Variants in ZNF804B observed in about 807,000 individuals in gnomAD.
ZNF804B encodes zinc finger 804B.
In ZNF804B, 80 loss-of-function variants were observed where a neutral mutation model predicts 101.4. That is an observed-to-expected ratio of 0.79 (90% CI 0.66 to 0.95). The LOEUF is 0.95. ZNF804B is among the 40% of genes least tolerant of loss of function. The pLI is 0.00. For missense variants in ZNF804B, 1,673 were observed against 1,561.9 expected (o/e 1.07, Z -1.20); for synonymous variants, 622 against 558.8 (o/e 1.11, Z -1.59).
intron 1 of ZNF804B, among the ~76,000 whole-genome samples, chr7:89,142,723 A>G (rs1790734698): frequency 1.3e-5 from 2 of 151,962 alleles, no homozygotes; most frequent in African/African-American, 4.8e-5. Context: ...AATTGGGTTG[A>G]GATGTTTATG....
Position 89,336,332 on chromosome 7 carries a change from A to G in ZNF804B, c.3350A>G (p.Tyr1117Cys), listed in dbSNP as rs1261177716. ...INHVEGNINSYYDRTMQKPDK... is the reference protein window; with the variant it reads ...INHVEGNINSCYDRTMQKPDK... ...CATGTAGAGGGAAATATAAACTCTT[A>G]CTATGACAGAACTATGCAGAAACCT... Residue 1117 changes from tyrosine to cysteine, a missense_variant, in exon 4 of 4, where the codon TAC (tyrosine) becomes TGC (cysteine). Tyr to Cys is a radical substitution (Grantham distance 194, BLOSUM62 -2). Coordinates refer to ENST00000333190, the MANE Select transcript of ZNF804B (RefSeq NM_181646.5). 1.2e-5 allele frequency: 20 copies of G among 1,613,954 alleles called. No homozygotes were observed. The highest frequency in any genetic ancestry group is 1.7e-5 in the Non-Finnish European group (20 of 1,179,976).
chr7:88,766,883 A>G (rs2115620317), intron 1 of ZNF804B, among the ~76,000 whole-genome samples: 1 of 152,074 alleles, frequency 6.6e-6, no homozygotes, highest in Non-Finnish European at 1.5e-5. Context: ...TAGCAAGTAT[A>G]ATTAGGACTG....
chr7:89,333,223 G>C, intron 3 of ZNF804B, 140 bp from the exon 4 acceptor site: 1 of 828,308 alleles, frequency 1.2e-6, no homozygotes, highest in South Asian at 2.3e-5. Context: ...GCTATATAAG[G>C]ACAACAAAAG....
At chr7:88,965,114 T>C (rs181101808) in intron 1 of ZNF804B, among the ~76,000 whole-genome samples, 355 of 151,578 alleles carry the variant, frequency 2.3e-3, no homozygotes, top group African/African-American at 8.2e-3. Flanking sequence ...ACAATAAAAC[T>C]AATAAAGATA....
chr7:88,917,061 T>C (rs527871909), intron 1 of ZNF804B, among the ~76,000 whole-genome samples: 23 of 152,204 alleles, frequency 1.5e-4, no homozygotes, highest in African/African-American at 5.3e-4. Context: ...AGTCAGGAGT[T>C]TGAGACCAGC....
intron 2 of ZNF804B, among the ~76,000 whole-genome samples, chr7:89,280,789 G>A (rs12704453): frequency 0.024 from 3,680 of 152,246 alleles, 52 homozygotes; most frequent in Non-Finnish European, 0.031. Flanking sequence ...AAAGAGTCCA[G>A]GACCAGATGG....
intron 1 of ZNF804B, among the ~76,000 whole-genome samples, chr7:89,100,547 TATTTGCAAACTATCTCTCTGACA>T (rs1790039289): frequency 6.6e-6 from 1 of 152,050 alleles, no homozygotes; most frequent in Non-Finnish European, 1.5e-5. Context: ...TGGGAGAAAA[TATTTGCAAACTATCTCTCTGACA>T]AAAGATTGAT....
intron 1 of ZNF804B, among the ~76,000 whole-genome samples, chr7:88,919,473 A>T (rs1405993211): frequency 1.3e-5 from 2 of 152,144 alleles, no homozygotes; most frequent in Non-Finnish European, 2.9e-5. Flanking sequence ...AAAGCAAGAC[A>T]CTTTAACATC....
intron 1 of ZNF804B, among the ~76,000 whole-genome samples, chr7:89,076,319 G>A (rs139584093): frequency 1.3e-3 from 191 of 152,218 alleles, no homozygotes; most frequent in African/African-American, 4.4e-3. Flanking sequence ...TTCCTGTGCT[G>A]TTCTCGTGAG....
At chr7:88,960,272 C>A (rs562317502) in intron 1 of ZNF804B, among the ~76,000 whole-genome samples, 3 of 151,398 alleles carry the variant, frequency 2.0e-5, no homozygotes, top group South Asian at 4.1e-4. Context: ...CCACCCCTAC[C>A]GTCAAAATGC....
chr7:89,141,034 T>C (rs1360103562), intron 1 of ZNF804B, among the ~76,000 whole-genome samples: 1 of 152,010 alleles, frequency 6.6e-6, no homozygotes, highest in African/African-American at 2.4e-5. Context: ...ATTTCAATAT[T>C]GTTATATCCC....
chr7:88,945,654 G>A (rs746173347), intron 1 of ZNF804B, among the ~76,000 whole-genome samples: 19 of 152,040 alleles, frequency 1.2e-4, no homozygotes, highest in Non-Finnish European at 1.9e-4. Flanking sequence ...GATGGGGTTA[G>A]CATTAAATCT....
At position 89,334,119 on chromosome 7, in the gene ZNF804B, G is replaced by C. The variant is rs1251631148; in HGVS notation, c.1137G>C (p.Arg379Ser). Residue 379 changes from arginine (R) to serine (S), a missense_variant, in exon 4 of 4, where the codon AGG (arginine) becomes AGC (serine). Arg to Ser is a moderately radical substitution (Grantham distance 110). Transcript: ENST00000333190. ...ACATTTACAACCATAGTGATGCCAG[G>C]ATATCTGAATGCCTGGATGAGTTTT... The part of the protein sequence containing the change: ...PPNIYNHSDA[R>S]ISECLDEFSS... 6.2e-7 allele frequency: 1 copy of C among 1,613,676 alleles called. No homozygotes were observed. The highest frequency in any genetic ancestry group is 1.1e-5 in the South Asian group (1 of 91,070).
intron 1 of ZNF804B, among the ~76,000 whole-genome samples, chr7:88,896,672 T>C (rs1260977776): frequency 6.6e-6 from 1 of 152,088 alleles, no homozygotes; most frequent in Admixed American, 6.6e-5. Flanking sequence ...ATCAGAGAGG[T>C]TTCTCTGGGA....
At chr7:88,922,628 C>T (rs202018382) in intron 1 of ZNF804B, among the ~76,000 whole-genome samples, 1 of 79,358 alleles carries the variant, frequency 1.3e-5, no homozygotes. Context: ...TATATATATA[C>T]ACACACACTT....
At chr7:89,198,954 A>G (rs1374186160) in intron 1 of ZNF804B, among the ~76,000 whole-genome samples, 2 of 151,928 alleles carry the variant, frequency 1.3e-5, no homozygotes, top group African/African-American at 2.4e-5. Flanking sequence ...ATATGGAGCC[A>G]TAAGGAGTTT....
chr7:88,860,965 T>C (rs929992247), intron 1 of ZNF804B, among the ~76,000 whole-genome samples: 5 of 152,186 alleles, frequency 3.3e-5, no homozygotes, highest in Non-Finnish European at 5.9e-5. Context: ...AGAAATAAAG[T>C]TGGGCAAAGT....
At chr7:88,854,435 C>CTTTCTTTCTTTCTT (rs1791508507) in intron 1 of ZNF804B, among the ~76,000 whole-genome samples, 1 of 123,710 alleles carries the variant, frequency 8.1e-6, no homozygotes, top group Admixed American at 8.7e-5. Context: ...TTCTTTCTTT[C>CTTTCTTTCTTTCTT]TTTCTTTCTT....
chr7:88,977,162 A>G (rs1227770859), intron 1 of ZNF804B, among the ~76,000 whole-genome samples: 3 of 150,758 alleles, frequency 2.0e-5, no homozygotes, highest in South Asian at 2.1e-4. Context: ...TTTTTGCATC[A>G]CTGTTGATCA....
Sources: allele counts gnomAD v4.1 joint callset (sites outside exome capture counted in the v4.1 genomes callset), GRCh38; gene constraint gnomAD v4.1.1; transcripts MANE v1.5; gene names NCBI Gene and HGNC (gene_info 2026-07-23, HGNC 2026-07-21).